POLRMT: variants seen among roughly 807,000 people sequenced by gnomAD.
POLRMT encodes DNA-directed RNA polymerase, mitochondrial.
POLRMT carries 114 observed loss-of-function variants against 132.2 expected under a neutral mutation model. The ratio of observed to expected loss-of-function variants is 0.86; its 90% CI spans 0.74 to 1.01. The LOEUF (loss-of-function observed/expected upper bound fraction) is 1.01, where lower values mean the gene tolerates loss of function less well. Ranked by LOEUF, POLRMT falls within the 50% of genes least tolerant of loss-of-function variation. The pLI is 0.00. For missense variants in POLRMT, 2,003 were observed against 1,729.1 expected (o/e 1.16, Z -2.81); for synonymous variants, 1,020 against 773.4 (o/e 1.32, Z -5.29).
At position 623,001 on chromosome 19, in the gene POLRMT, G is replaced by A. The variant is rs1303463512; in HGVS notation, c.1291-16C>T. ...GGGTCTTCCGCTGCGGGGGATGAAC[G>A]GGCCCGGTGAGCCCCGTGGCAGCTG... On this transcript the variant is annotated splice_polypyrimidine_tract_variant and intron_variant, in intron 6 of 20. Coordinates refer to ENST00000588649, the MANE Select transcript of POLRMT (RefSeq NM_005035.4). The A allele has an allele frequency of 2.5e-6, 4 of 1,609,792 alleles. No individual in the cohort carries two copies. Among genetic ancestry groups the A allele is most frequent in the African/African-American group, 1.3e-5 (1 of 75,000 alleles).
At chr19:625,976 C>T (rs562195381) in intron 3 of POLRMT, among the ~76,000 whole-genome samples, 3 of 152,162 alleles carry the variant, frequency 2.0e-5, no homozygotes, top group Non-Finnish European at 4.4e-5. Flanking sequence ...GCTGGGATGA[C>T]AGGTGTGCAC....
chr19:619,487 G>T, intron 13 of POLRMT, 99 bp downstream of exon 13: 2 of 1,503,538 alleles, frequency 1.3e-6, no homozygotes, highest in African/African-American at 1.4e-5. Context: ...TGGGGGAGCA[G>T]CCAGGGCTCC....
chr19:632,975 C>T lies in POLRMT; in HGVS notation c.89-37G>A, dbSNP rs1039049426. On this transcript the variant is annotated intron_variant, in intron 1 of 20. Transcript: ENST00000588649. ...ACGAGAGCGGCTGAGCGGGGCCGGG[C>T]GTGTGGGCGGGGGCCTCCATAAAGG... The T allele has an allele frequency of 2.8e-5, 40 of 1,425,644 alleles. No individual in the cohort carries two copies. In the East Asian group the frequency reaches 8.2e-4, roughly 29 times the overall value. The allele number at this position is 1,425,644 out of a possible 1,614,324, so 88.3% of individuals were successfully genotyped here. A position where few individuals can be genotyped will look rare whatever the true frequency, so the allele number is the denominator to read the frequency against.
At chr19:624,075 C>G (rs893450174) in intron 5 of POLRMT, among the ~76,000 whole-genome samples, 1 of 152,256 alleles carries the variant, frequency 6.6e-6, no homozygotes, top group Admixed American at 6.5e-5. Context: ...TAAGTAGAAA[C>G]AGCCCAACGT....
intron 18 of POLRMT, 44 bp from the exon 19 acceptor site, chr19:617,699 C>A (rs954810337): frequency 6.2e-7 from 1 of 1,611,692 alleles, no homozygotes; most frequent in Admixed American, 1.7e-5. Context: ...CAGGCAGGCT[C>A]TGGGCACCAC....
At chr19:630,921 G>A (rs540152588) in intron 2 of POLRMT, among the ~76,000 whole-genome samples, 21 of 152,322 alleles carry the variant, frequency 1.4e-4, no homozygotes, top group African/African-American at 4.6e-4. Context: ...ACTTTGGGAG[G>A]CCGAGGCAGG....
In POLRMT at chr19:617,240, G is replaced by T; in HGVS notation, c.*34C>A. 2.5e-6 allele frequency: 4 copies of T among 1,610,864 alleles called. No individual in the cohort carries two copies. Among genetic ancestry groups the T allele is most frequent in the Non-Finnish European group, 3.4e-6 (4 of 1,178,788 alleles). ...AGTGGCTCCTGGGGGTGGCAAAAGAGCTTTATTTACACACTGACAAGGCTC... is the reference window on the plus strand; with the variant it reads ...AGTGGCTCCTGGGGGTGGCAAAAGATCTTTATTTACACACTGACAAGGCTC... On this transcript the variant is annotated 3_prime_UTR_variant, in exon 21 of 21. Transcript: ENST00000588649.
rs979969245 is a variant in POLRMT at position 619,763 on chromosome 19, C to T, written c.2889G>A (p.Val963=). 22 of 1,570,268 alleles carry T rather than the reference C, an allele frequency of 1.4e-5. No homozygotes were observed. The highest frequency in any genetic ancestry group is 2.2e-5 in the East Asian group (1 of 44,468). Residue 963 remains valine (V), a splice_region_variant and synonymous_variant, in exon 13 of 21, where the codon GTG becomes GTA. Transcript: ENST00000588649. ...QDVYSGVAAQ[V]EVFRRQDAQR... is the part of the protein sequence containing the mutation. ...GGGCGTCCTGCCTACGGAACACCTC[C>T]ACCTGCACGGCGGGTGGGCCGGGGG...
chr19:624,634 G>T, intron 5 of POLRMT, 85 bp downstream of exon 5: 1 of 1,437,362 alleles, frequency 7.0e-7, no homozygotes. Context: ...GCACCGGGGA[G>T]GCCCATTGGT....
chr19:629,881 G>T lies in POLRMT; in HGVS notation c.481C>A (p.Gln161Lys). The change falls in exon 3 of 21, where the codon CAG becomes AAG. Residue 161 changes from glutamine to lysine, a missense_variant. Coordinates refer to ENST00000588649, the MANE Select transcript of POLRMT (RefSeq NM_005035.4). ...TTGCTCAGGAGCCGGGGCTCCACCT[G>T]CAGGCGCCTGGTCAGCGCCTTGAAC... ...GEFKALTRRL[Q>K]VEPRLLSKQM... The T allele has an allele frequency of 6.2e-7, 1 of 1,611,462 alleles. No individual in the cohort carries two copies. The highest frequency in any genetic ancestry group is 8.5e-7 in the Non-Finnish European group (1 of 1,179,132).
At chr19:620,912 GGAAGACGGGCAGGGGGC>G in intron 10 of POLRMT, 129 bp downstream of exon 10, 1 of 140,448 alleles carries the variant, frequency 7.1e-6, no homozygotes, top group South Asian at 2.0e-4. Context: ...GAGGGGAGGA[GGAAGACGGGCAGGGGGC>G]GCCAGGGGAG....
rs776436676 is a variant in POLRMT at position 617,287 on chromosome 19, T to A, written c.3680A>T (p.Tyr1227Phe). 3.1e-6 allele frequency: 5 copies of A among 1,612,620 alleles called. No individual in the cohort carries two copies. Among genetic ancestry groups the A allele is most frequent in the African/African-American group, 1.3e-5 (1 of 74,884 alleles). Reference sequence around the variant, plus strand: ...GCTCACGGGGTGTCAGCTGAAGAAGTAGGTGGAACGCTTCACCTGCTCCAG... The same window carrying A: ...GCTCACGGGGTGTCAGCTGAAGAAGAAGGTGGAACGCTTCACCTGCTCCAG... ...FDLEQVKRST[Y>F]FFS The change falls in exon 21 of 21, where the codon TAC becomes TTC. Residue 1227 changes from tyrosine (Y) to phenylalanine (F), a missense_variant. Coordinates refer to ENST00000588649, the MANE Select transcript of POLRMT (RefSeq NM_005035.4).
chr19:622,602 A>C lies in POLRMT; in HGVS notation c.1606T>G (p.Leu536Val), dbSNP rs1376929485. Residue 536 changes from leucine (L) to valine (V), a missense_variant, in exon 8 of 21, where the codon TTG becomes GTG. Physicochemically the swap from Leu to Val is conservative, Grantham distance 32 (BLOSUM62 1). Coordinates refer to ENST00000588649, the MANE Select transcript of POLRMT (RefSeq NM_005035.4). Reference protein sequence around the residue: ...LQNHYRKYLCLLASDAEVPEP... With the variant: ...LQNHYRKYLCVLASDAEVPEP... ...CTCACCTCGGCGTCGGAGGCCAGCA[A>C]GCAGAGGTACTTCCTGTAGTGGTTC... 18 of 1,604,652 alleles carry C rather than the reference A, an allele frequency of 1.1e-5. No individual in the cohort carries two copies. The highest frequency in any genetic ancestry group is 1.5e-5 in the Non-Finnish European group (18 of 1,176,160).
chr19:633,032 C>T (rs1985543664), intron 1 of POLRMT, 94 bp from the exon 2 acceptor site: 1 of 872,218 alleles, frequency 1.1e-6, no homozygotes, highest in South Asian at 2.0e-5. Flanking sequence ...GCAAAGGAGC[C>T]CTAAACGCAG....
Position 633,395 on chromosome 19 carries a change from G to T in POLRMT, c.88+30C>A, listed in dbSNP as rs554335281. The stretch of plus-strand genomic sequence containing the variant: ...GGGAGGAGCCCACGCCGTGGCCCCC[G>T]GGCTGCCTGGCCGTCTCCCTTTGTG... On this transcript the variant is annotated intron_variant, in intron 1 of 20. Transcript: ENST00000588649. The T allele has an allele frequency of 3.4e-6, 5 of 1,491,264 alleles. No homozygotes were observed. The Admixed American group carries it at 8.4e-5, about 25-fold the overall frequency. The allele number at this position is 1,491,264 out of a possible 1,614,324, so 92.4% of individuals were successfully genotyped here.
At position 619,940 on chromosome 19, in the gene POLRMT, C is replaced by T. The variant is rs1345151862; in HGVS notation, c.2886+18G>A. On this transcript the variant is annotated intron_variant, in intron 12 of 20. Transcript: ENST00000588649. ...GCCCCCACGCCGAGATGCCCCCGGG[C>T]AGCAGGGCACACCCTACCTGCGCGG... 8.1e-6 allele frequency: 13 copies of T among 1,600,434 alleles called. No individual in the cohort carries two copies. The highest frequency in any genetic ancestry group is 1.1e-5 in the Non-Finnish European group (13 of 1,177,556).
chr19:632,545 GGT>G (rs926363754), intron 2 of POLRMT, among the ~76,000 whole-genome samples: 1 of 151,134 alleles, frequency 6.6e-6, no homozygotes, highest in Non-Finnish European at 1.5e-5. Flanking sequence ...CCGGGGGGGG[GGT>G]CTCTCCAGAC....
intron 11 of POLRMT, 138 bp from the exon 12 acceptor site, chr19:620,218 G>C (rs1019395885): frequency 1.4e-6 from 2 of 1,458,350 alleles, no homozygotes; most frequent in Admixed American, 2.3e-5. Context: ...GCACGCTCCC[G>C]GGAGAGACCA....
rs777572472 is a variant in POLRMT at position 624,823 on chromosome 19, T to C, written c.1036A>G (p.Thr346Ala). ...AVLLSEEDRA[T>A]VLKAVHKVKP... ...ACCTTGTGCACGGCCTTCAGAACAG[T>C]GGCCCGATCCTCCTCAGACAGCAGA... The change falls in exon 5 of 21, where the codon ACT becomes GCT. Residue 346 changes from threonine to alanine, a missense_variant. Thr to Ala is a moderately conservative substitution (Grantham distance 58, BLOSUM62 0). Transcript: ENST00000588649. The C allele has an allele frequency of 7.7e-5, 124 of 1,613,336 alleles. No individual in the cohort carries two copies. The highest frequency in any genetic ancestry group is 9.7e-5 in the Non-Finnish European group (115 of 1,180,002).
Sources: allele counts gnomAD v4.1 joint callset (sites outside exome capture counted in the v4.1 genomes callset), GRCh38; gene constraint gnomAD v4.1.1; transcripts MANE v1.5; gene names NCBI Gene and HGNC (gene_info 2026-07-23, HGNC 2026-07-21).